ENTPD1: variants seen among roughly 807,000 people sequenced by gnomAD.
ENTPD1 encodes ATP diphosphohydrolase.
A neutral mutation model predicts 57.0 loss-of-function variants in ENTPD1; 33 were observed. That is an observed-to-expected ratio of 0.58 (90% CI 0.44 to 0.77). The LOEUF (loss-of-function observed/expected upper bound fraction) is 0.77, where lower values mean the gene tolerates loss of function less well. Ranked by LOEUF, ENTPD1 falls within the 30% of genes least tolerant of loss-of-function variation. ENTPD1 has a pLI of 0.00. For synonymous variants in ENTPD1, 202 were observed against 218.8 expected (o/e 0.92, Z 0.68); for missense variants, 501 against 603.4 (o/e 0.83, Z 1.78).
At chr10:95,759,888 C>T (rs1539433) in intron 1 of ENTPD1, among the ~76,000 whole-genome samples, 82,042 of 152,050 alleles carry the variant, frequency 0.54, 22,566 homozygotes, top group Admixed American at 0.63. Flanking sequence ...TTGGTTAAGG[C>T]CACACAGCTA....
At chr10:95,826,401 A>C (rs1590037100) in intron 2 of ENTPD1, among the ~76,000 whole-genome samples, 1 of 151,752 alleles carries the variant, frequency 6.6e-6, no homozygotes, top group Non-Finnish European at 1.5e-5. Flanking sequence ...GGTGAAACCC[A>C]ATCTCTACTA....
chr10:95,777,050 T>C (rs2098136778), intron 1 of ENTPD1, among the ~76,000 whole-genome samples: 3 of 152,248 alleles, frequency 2.0e-5, no homozygotes, highest in Admixed American at 1.3e-4. Flanking sequence ...TCAAGGTTTT[T>C]AGCTTCCTTG....
chr10:95,784,297 A>ATACAAGT (rs746207643), intron 1 of ENTPD1, among the ~76,000 whole-genome samples: 4 of 152,138 alleles, frequency 2.6e-5, no homozygotes, highest in Admixed American at 6.5e-5. Context: ...CTGCTCACAA[A>ATACAAGT]TACAAGTTCC....
At chr10:95,729,161 A>G (rs1339535031) in intron 1 of ENTPD1, among the ~76,000 whole-genome samples, 1 of 152,154 alleles carries the variant, frequency 6.6e-6, no homozygotes, top group African/African-American at 2.4e-5. Context: ...GAGTTGTTCA[A>G]AGGTACTTGA....
At chr10:95,721,628 C>T (rs751420386) in intron 1 of ENTPD1, among the ~76,000 whole-genome samples, 11 of 151,740 alleles carry the variant, frequency 7.2e-5, no homozygotes, top group Non-Finnish European at 1.2e-4. Flanking sequence ...CTGACTGGGC[C>T]GAATTCTCCA....
intron 2 of ENTPD1, among the ~76,000 whole-genome samples, chr10:95,826,710 C>T (rs190204645): frequency 2.0e-5 from 3 of 151,876 alleles, no homozygotes; most frequent in East Asian, 1.9e-4. Context: ...TGGGGAGGTA[C>T]GTGGTGCAGG....
chr10:95,845,578 A>G lies in ENTPD1; in HGVS notation c.795A>G (p.Lys265=). ...GGAAGGATCAGGCACTCTGGCAGAAACTGGCCAAGGACATTCAGGCAAGTA... is the reference window on the plus strand; with the variant it reads ...GGAAGGATCAGGCACTCTGGCAGAAGCTGGCCAAGGACATTCAGGCAAGTA... ...CYGKDQALWQ[K]LAKDIQVASN... The change falls in exon 6 of 10, where the codon AAA becomes AAG. Residue 265 remains lysine, a synonymous_variant. Coordinates refer to ENST00000371205, the MANE Select transcript of ENTPD1 (RefSeq NM_001776.6). The G allele has an allele frequency of 6.2e-7, 1 of 1,614,224 alleles. No individual in the cohort carries two copies. Among genetic ancestry groups the G allele is most frequent in the South Asian group, 1.1e-5 (1 of 91,084 alleles).
At chr10:95,742,863 A>G (rs982623936) in intron 1 of ENTPD1, among the ~76,000 whole-genome samples, 2 of 152,208 alleles carry the variant, frequency 1.3e-5, no homozygotes, top group Non-Finnish European at 2.9e-5. Context: ...TAAGCTTTTA[A>G]TTATAGAATA....
the ENTPD1 span, among the ~76,000 whole-genome samples, chr10:95,696,910 C>T: frequency 3.7e-4 from 57 of 152,282 alleles, no homozygotes; most frequent in Admixed American, 1.4e-3. Context: ...CCCACTTCTC[C>T]CCCCTTTTCC....
chr10:95,847,966 G>GCAGCA (rs1229226472), intron 7 of ENTPD1, among the ~76,000 whole-genome samples: 1 of 152,192 alleles, frequency 6.6e-6, no homozygotes, highest in East Asian at 1.9e-4. Context: ...TTGGCTCTAG[G>GCAGCA]CAGCACCTTA....
chr10:95,756,478 G>C, intron 1 of ENTPD1: 1 of 587,418 alleles, frequency 1.7e-6, no homozygotes, highest in Non-Finnish European at 3.0e-6. Context: ...GAGCAAGCTG[G>C]AGGGGCTCAT....
At chr10:95,726,234 T>C (rs1346011776) in intron 1 of ENTPD1, among the ~76,000 whole-genome samples, 1 of 152,244 alleles carries the variant, frequency 6.6e-6, no homozygotes, top group Non-Finnish European at 1.5e-5. Context: ...CTTCTATTTA[T>C]AATGTTCATA....
At chr10:95,801,158 G>T (rs900917214) in intron 1 of ENTPD1, among the ~76,000 whole-genome samples, 4 of 152,084 alleles carry the variant, frequency 2.6e-5, no homozygotes, top group African/African-American at 9.7e-5. Flanking sequence ...TCTGTTTGGG[G>T]TCCCTGACTT....
chr10:95,763,535 T>C (rs1473367868), intron 1 of ENTPD1, among the ~76,000 whole-genome samples: 1 of 152,222 alleles, frequency 6.6e-6, no homozygotes, highest in Non-Finnish European at 1.5e-5. Context: ...TAAAATTGGA[T>C]ATTTATTAAT....
chr10:95,822,302 T>C (rs1001661439), intron 1 of ENTPD1, among the ~76,000 whole-genome samples: 3 of 150,926 alleles, frequency 2.0e-5, no homozygotes, highest in African/African-American at 7.3e-5. Context: ...CCGTTTTTGG[T>C]TATTATTTTT....
At chr10:95,834,525 T>G (rs1398249831) in intron 2 of ENTPD1, among the ~76,000 whole-genome samples, 1 of 152,148 alleles carries the variant, frequency 6.6e-6, no homozygotes, top group African/African-American at 2.4e-5. Context: ...AGAGGTGTTT[T>G]CTGAATGAGA....
At chr10:95,755,411 A>C, upstream of ENTPD1, 1 of 362,856 alleles carries the variant, frequency 2.8e-6, no homozygotes. Flanking sequence ...TAATTTTGTT[A>C]CACAGTTTAA....
chr10:95,713,306 A>G (rs986643483), intron 1 of ENTPD1, among the ~76,000 whole-genome samples: 1 of 152,238 alleles, frequency 6.6e-6, no homozygotes. Flanking sequence ...TAAATTAGAA[A>G]GAACTTTAAT....
intron 7 of ENTPD1, among the ~76,000 whole-genome samples, chr10:95,858,451 G>C (rs530083435): frequency 3.9e-5 from 6 of 152,256 alleles, no homozygotes; most frequent in African/African-American, 1.4e-4. Context: ...TTTTAAGCAG[G>C]GGAGTGATAT....
Sources: allele counts gnomAD v4.1 joint callset (sites outside exome capture counted in the v4.1 genomes callset), GRCh38; gene constraint gnomAD v4.1.1; transcripts MANE v1.5; gene names NCBI Gene and HGNC (gene_info 2026-07-23, HGNC 2026-07-21).